Variants in RILPL1 observed in about 807,000 individuals in gnomAD.
The protein encoded by RILPL1 is RILP-like protein 1.
A neutral mutation model predicts 50.3 loss-of-function variants in RILPL1; 33 were observed. The ratio of observed to expected loss-of-function variants is 0.66; its 90% confidence interval spans 0.50 to 0.88. The LOEUF (loss-of-function observed/expected upper bound fraction) is 0.88. Ranked by LOEUF, RILPL1 falls within the 40% of genes least tolerant of loss-of-function variation. The pLI, the probability that RILPL1 is intolerant of heterozygous loss-of-function variation, is 0.00. For synonymous variants in RILPL1, 205 were observed against 228.6 expected (o/e 0.90, Z 0.93); for missense variants, 418 against 542.5 (o/e 0.77, Z 2.28).
chr12:123,521,651 AC>A (rs1885046817), intron 2 of RILPL1, among the ~76,000 whole-genome samples: 1 of 14,066 alleles, frequency 7.1e-5, no homozygotes, highest in Non-Finnish European at 1.5e-4. Context: ...GTATATATAT[AC>A]ACATATATGT....
intron 4 of RILPL1, among the ~76,000 whole-genome samples, chr12:123,488,601 G>A (rs960034479): frequency 1.3e-5 from 2 of 152,224 alleles, no homozygotes; most frequent in African/African-American, 2.4e-5. Flanking sequence ...GGCTGGAACC[G>A]GCTGTTCTGG....
chr12:123,474,945 A>C (rs947259653), intron 6 of RILPL1: 1 of 152,398 alleles, frequency 6.6e-6, no homozygotes, highest in Non-Finnish European at 1.5e-5. Flanking sequence ...CTGATCTTTC[A>C]TTGCAAAGCC....
intron 2 of RILPL1, among the ~76,000 whole-genome samples, chr12:123,505,591 T>C (rs1199118115): frequency 2.0e-5 from 3 of 152,130 alleles, no homozygotes. Flanking sequence ...GTGCTAGGAC[T>C]ACAGGTGTGG....
chr12:123,484,419 C>T (rs1882195857), intron 5 of RILPL1, 147 bp from the exon 6 acceptor site: 1 of 682,316 alleles, frequency 1.5e-6, no homozygotes, highest in Admixed American at 2.2e-5. Context: ...CTGAAGAGTC[C>T]AGCCAAATAG....
chr12:123,512,618 G>T (rs141609365), intron 2 of RILPL1, among the ~76,000 whole-genome samples: 1,962 of 144,948 alleles, frequency 0.014, 61 homozygotes, highest in African/African-American at 0.049. Flanking sequence ...TGTGAGGTCT[G>T]TGTCTGTGTG....
At chr12:123,529,774 T>C (rs1292578084) in intron 1 of RILPL1, among the ~76,000 whole-genome samples, 1 of 150,360 alleles carries the variant, frequency 6.7e-6, no homozygotes, top group African/African-American at 2.4e-5. Context: ...CTCAGGAGGC[T>C]GAGGCAGGAG....
At position 123,482,324 on chromosome 12, in the gene RILPL1, C is replaced by A. The variant is rs141210478; in HGVS notation, c.1067+1856G>T. Among the ~76,000 whole-genome samples, 610 of 152,300 alleles carry A rather than the reference C, an allele frequency of 4.0e-3. 4 individuals carry two copies. The highest frequency in any genetic ancestry group is 0.014 in the African/African-American group (582 of 41,558). Reference sequence around the variant, plus strand: ...AGGAAATGTTTATCTCTAACCAGAACTGGGGCCACACTCCCTCCCCAGTGC... The same window carrying A: ...AGGAAATGTTTATCTCTAACCAGAAATGGGGCCACACTCCCTCCCCAGTGC... On this transcript the variant is annotated intron_variant, in intron 6 of 6. Coordinates refer to ENST00000376874, the MANE Select transcript of RILPL1 (RefSeq NM_178314.5).
intron 4 of RILPL1, among the ~76,000 whole-genome samples, chr12:123,487,129 C>T (rs1159362076): frequency 1.3e-5 from 2 of 152,074 alleles, no homozygotes; most frequent in Non-Finnish European, 2.9e-5. Flanking sequence ...CAGTCACTCT[C>T]TACTTCCCTA....
At chr12:123,494,980 G>T (rs184272000) in intron 4 of RILPL1, among the ~76,000 whole-genome samples, 1 of 152,108 alleles carries the variant, frequency 6.6e-6, no homozygotes, top group Non-Finnish European at 1.5e-5. Flanking sequence ...AGTCACTGCC[G>T]TTTTCTTCTG....
intron 2 of RILPL1, among the ~76,000 whole-genome samples, chr12:123,509,563 CAA>C (rs367583334): frequency 4.0e-4 from 36 of 89,388 alleles, no homozygotes; most frequent in South Asian, 3.7e-4. Flanking sequence ...AACTCCGTCT[CAA>C]AAAAAAAAAA....
chr12:123,512,406 CTG>C (rs556908598), intron 2 of RILPL1, among the ~76,000 whole-genome samples: 1 of 65,604 alleles, frequency 1.5e-5, no homozygotes, highest in Non-Finnish European at 3.0e-5. Context: ...TGTGTGAGGT[CTG>C]TGTGTGTGTG....
Position 123,484,284 on chromosome 12 carries a change from T to A in RILPL1, c.975-12A>T. ...CTTCCATTTCTTCACTGGAAGGAGA[T>A]GAGAGGCGTGAGATAAAAGAGTCAA... On this transcript the variant is annotated splice_polypyrimidine_tract_variant and intron_variant, in intron 5 of 6. Coordinates refer to ENST00000376874, the MANE Select transcript of RILPL1 (RefSeq NM_178314.5). The A allele has an allele frequency of 6.5e-7, 1 of 1,534,042 alleles. No individual in the cohort carries two copies. The highest frequency in any genetic ancestry group is 9.0e-7 in the Non-Finnish European group (1 of 1,107,342).
chr12:123,478,071 A>T (rs1394820095), intron 6 of RILPL1, among the ~76,000 whole-genome samples: 1 of 132,554 alleles, frequency 7.5e-6, no homozygotes, highest in Admixed American at 9.2e-5. Context: ...ATCTGGGCCC[A>T]CTGCAGCCGC....
intron 4 of RILPL1, among the ~76,000 whole-genome samples, chr12:123,492,937 A>G (rs1019247798): frequency 3.9e-5 from 6 of 152,190 alleles, no homozygotes; most frequent in Non-Finnish European, 7.3e-5. Context: ...AAAGCCACGT[A>G]TTGTCCAAGG....
At chr12:123,513,982 G>A (rs188256175) in intron 2 of RILPL1, 199 of 152,318 alleles carry the variant, frequency 1.3e-3, no homozygotes, top group Middle Eastern at 0.01. Context: ...ACGATGTGCC[G>A]TCGAAAACAC....
chr12:123,507,179 G>A (rs774051746), intron 2 of RILPL1, among the ~76,000 whole-genome samples: 13 of 152,168 alleles, frequency 8.5e-5, no homozygotes, highest in South Asian at 2.1e-4. Context: ...CAACTGTATC[G>A]TGGGGGGCCC....
intron 2 of RILPL1, among the ~76,000 whole-genome samples, chr12:123,510,631 G>T (rs1884050152): frequency 1.1e-5 from 1 of 92,884 alleles, no homozygotes; most frequent in Non-Finnish European, 2.4e-5. Flanking sequence ...ATATGTGTGT[G>T]ATGTGTGTGT....
intron 2 of RILPL1, among the ~76,000 whole-genome samples, 173 bp downstream of exon 2, chr12:123,523,322 G>A (rs1003599109): frequency 1.3e-5 from 2 of 152,206 alleles, no homozygotes; most frequent in Non-Finnish European, 2.9e-5. Flanking sequence ...CTGAGGCTAC[G>A]TGATGTTTCT....
chr12:123,515,637 A>G (rs2139373177), intron 2 of RILPL1: 1 of 152,058 alleles, frequency 6.6e-6, no homozygotes, highest in Middle Eastern at 3.4e-3. Flanking sequence ...CTTTTAGTAG[A>G]GACGGGGTTT....
Sources: allele counts gnomAD v4.1 joint callset (sites outside exome capture counted in the v4.1 genomes callset), GRCh38; gene constraint gnomAD v4.1.1; transcripts MANE v1.5; gene names NCBI Gene and HGNC (gene_info 2026-07-23, HGNC 2026-07-21).